HLCS: variants seen among roughly 807,000 people sequenced by gnomAD.
HLCS encodes biotin--protein ligase.
HLCS carries 53 observed loss-of-function variants against 75.0 expected under a neutral mutation model. The observed-to-expected ratio is 0.71, with a 90% confidence interval of 0.57 to 0.89. HLCS has a LOEUF of 0.89. HLCS is among the 40% of genes least tolerant of loss of function. HLCS has a pLI of 0.00. For synonymous variants in HLCS, 431 were observed against 428.6 expected (o/e 1.01, Z -0.07); for missense variants, 966 against 1,074.0 (o/e 0.90, Z 1.41).
intron 1 of HLCS, among the ~76,000 whole-genome samples, chr21:36,984,357 A>T (rs987861683): frequency 6.6e-6 from 1 of 152,182 alleles, no homozygotes; most frequent in Non-Finnish European, 1.5e-5. Context: ...AAAATAGGGT[A>T]ATAATAAACT....
chr21:36,962,081 A>G lies in HLCS; in HGVS notation c.285T>C (p.Ile95=), dbSNP rs569942237. Residue 95 remains isoleucine, a synonymous_variant, in exon 2 of 11, where the codon ATT becomes ATC. Transcript: ENST00000674895. ...TCTGTAAATTCTCACTTTGTACCCA[A>G]ATGCTCTCCGTCACAAATGCTATGT... ...AEHIAFVTES[I]WVQSENLQRS... 7.8e-7 allele frequency: 1 copy of G among 1,289,556 alleles called. No homozygotes were observed. The highest frequency in any genetic ancestry group is 5.5e-5 in the East Asian group (1 of 18,030). 79.9% of individuals were successfully genotyped at this position (1,289,556 alleles called of 1,614,324 possible).
At chr21:36,841,935 A>G (rs1399152879) in intron 6 of HLCS, among the ~76,000 whole-genome samples, 1 of 152,156 alleles carries the variant, frequency 6.6e-6, no homozygotes, top group Non-Finnish European at 1.5e-5. Context: ...AGGACCCACT[A>G]AGGCTGACAT....
At chr21:36,774,623 C>T (rs545231657) in intron 6 of HLCS, among the ~76,000 whole-genome samples, 8 of 152,096 alleles carry the variant, frequency 5.3e-5, no homozygotes, top group Non-Finnish European at 1.2e-4. Context: ...GTGTGTTTTA[C>T]GACTCCTCAA....
At chr21:36,971,488 C>T (rs544766202), upstream of HLCS, among the ~76,000 whole-genome samples, 2 of 152,046 alleles carry the variant, frequency 1.3e-5, no homozygotes, top group South Asian at 2.1e-4. Context: ...CAAATCAGGA[C>T]GATTTGAGTA....
intron 5 of HLCS, among the ~76,000 whole-genome samples, chr21:36,910,851 G>A (rs1046172089): frequency 2.6e-5 from 4 of 152,274 alleles, no homozygotes; most frequent in Middle Eastern, 3.4e-3. Flanking sequence ...CCTGGCATGA[G>A]TTCCCAAAAC....
chr21:36,956,094 G>T (rs2067927996), intron 2 of HLCS, among the ~76,000 whole-genome samples: 1 of 152,176 alleles, frequency 6.6e-6, no homozygotes, highest in African/African-American at 2.4e-5. Flanking sequence ...ATGTGTATCT[G>T]TCGTGAAGCA....
intron 6 of HLCS, among the ~76,000 whole-genome samples, chr21:36,862,444 G>C (rs1008675119): frequency 6.6e-6 from 1 of 152,178 alleles, no homozygotes; most frequent in Non-Finnish European, 1.5e-5. Context: ...ACATCCTTGC[G>C]AATACTTGTT....
intron 2 of HLCS, among the ~76,000 whole-genome samples, chr21:36,941,677 C>A (rs1287391944): frequency 1.3e-5 from 2 of 152,066 alleles, no homozygotes; most frequent in Non-Finnish European, 2.9e-5. Context: ...TGAGACCAGC[C>A]TGACCAACAT....
intron 2 of HLCS, among the ~76,000 whole-genome samples, chr21:36,959,480 G>A (rs1213895733): frequency 6.6e-6 from 1 of 152,216 alleles, no homozygotes; most frequent in African/African-American, 2.4e-5. Flanking sequence ...CAGGCTCATA[G>A]GTAGAAAGGG....
intron 1 of HLCS, among the ~76,000 whole-genome samples, chr21:36,986,471 T>A (rs1257789882): frequency 6.6e-6 from 1 of 152,210 alleles, no homozygotes; most frequent in Non-Finnish European, 1.5e-5. Context: ...CAGGCTGGAG[T>A]GCAATGGTGC....
intron 6 of HLCS, among the ~76,000 whole-genome samples, chr21:36,876,098 T>C (rs2063964401): frequency 6.6e-6 from 1 of 152,052 alleles, no homozygotes; most frequent in Admixed American, 6.5e-5. Flanking sequence ...CTGGCCTGCC[T>C]GTGCACAGTG....
At chr21:36,910,461 G>A (rs143454139) in intron 5 of HLCS, among the ~76,000 whole-genome samples, 4 of 151,794 alleles carry the variant, frequency 2.6e-5, no homozygotes, top group African/African-American at 4.8e-5. Context: ...CAAGAGAATC[G>A]CTTGAACTCC....
rs116534961 is a variant in HLCS at position 36,876,318 on chromosome 21, A to G, written c.1892+20542T>C. 2.9e-3 allele frequency among the ~76,000 whole-genome samples: 441 copies of G among 152,236 alleles called. 2 individuals are homozygous for G. The highest frequency in any genetic ancestry group is 0.01 in the African/African-American group (418 of 41,550). On this transcript the variant is annotated intron_variant, in intron 6 of 10. Coordinates refer to ENST00000674895, the MANE Select transcript of HLCS (RefSeq NM_001352514.2). ...AGCAATACTCTAAGGATCCTGTGAC[A>G]TTTTCGTATACATTTCCACAAAAAT...
chr21:36,873,530 G>A (rs1272280730), intron 6 of HLCS, among the ~76,000 whole-genome samples: 1 of 152,184 alleles, frequency 6.6e-6, no homozygotes, highest in Admixed American at 6.5e-5. Context: ...TGTCAGATAC[G>A]AGTCCTTTGT....
intron 6 of HLCS, among the ~76,000 whole-genome samples, chr21:36,876,319 T>C (rs73902778): frequency 0.054 from 8,268 of 152,084 alleles, 402 homozygotes; most frequent in East Asian, 0.24. Context: ...TCCTGTGACA[T>C]TTTCGTATAC....
chr21:36,935,169 T>C (rs562351260), intron 4 of HLCS, among the ~76,000 whole-genome samples: 5 of 152,270 alleles, frequency 3.3e-5, no homozygotes, highest in African/African-American at 4.8e-5. Flanking sequence ...TTTAAGTGGA[T>C]TTTCTGAGAA....
chr21:36,987,755 CATA>C (rs2069254354), intron 1 of HLCS, among the ~76,000 whole-genome samples: 2 of 152,112 alleles, frequency 1.3e-5, no homozygotes, highest in Non-Finnish European at 2.9e-5. Context: ...TCCTTCACTC[CATA>C]TTTTTATCTT....
intron 6 of HLCS, among the ~76,000 whole-genome samples, chr21:36,849,324 A>G (rs2062904977): frequency 6.6e-6 from 1 of 152,374 alleles, no homozygotes; most frequent in East Asian, 1.9e-4. Flanking sequence ...ATATATGTGC[A>G]TATACATATA....
intron 2 of HLCS, chr21:36,948,070 T>TC (rs2067488302): frequency 1.4e-6 from 1 of 707,590 alleles, no homozygotes. Flanking sequence ...GACAGGTGGA[T>TC]CACGAGGTCA....
Sources: gnomAD v4.1 joint callset for allele counts (sites outside exome capture counted in the v4.1 genomes callset) on GRCh38, gnomAD v4.1.1 for gene constraint, MANE v1.5 for transcripts, NCBI Gene and HGNC (gene_info 2026-07-23, HGNC 2026-07-21) for gene names.